The following TLN2 variants were observed in gnomAD, a reference collection of about 807,000 sequenced individuals.
TLN2 encodes talin 2.
Under a neutral mutation model 294.7 loss-of-function variants are expected in TLN2, and 118 were observed. The ratio of observed to expected loss-of-function variants is 0.40; its 90% CI spans 0.34 to 0.47. TLN2 has a LOEUF of 0.47. TLN2 is among the 20% of genes least tolerant of loss of function. The probability of loss-of-function intolerance (pLI) is 0.84; values close to 1 mark genes in which losing one functional copy is unlikely to be tolerated. For synonymous variants in TLN2, 1,431 were observed against 1,304.5 expected (o/e 1.10, Z -2.09); for missense variants, 3,083 against 3,282.2 (o/e 0.94, Z 1.48).
intron 11 of TLN2, among the ~76,000 whole-genome samples, chr15:62,679,786 A>C (rs2056632358): frequency 6.6e-6 from 1 of 152,246 alleles, no homozygotes; most frequent in Non-Finnish European, 1.5e-5. Context: ...CTGTAGAATG[A>C]CATTGATACA....
intron 1 of TLN2, among the ~76,000 whole-genome samples, chr15:62,399,427 G>A (rs574543825): frequency 6.6e-6 from 1 of 152,234 alleles, no homozygotes; most frequent in Admixed American, 6.5e-5. Context: ...GCCTAATGAA[G>A]CTCTGAGAAG....
chr15:62,653,643 C>G (rs900144266), intron 7 of TLN2, among the ~76,000 whole-genome samples: 1 of 151,934 alleles, frequency 6.6e-6, no homozygotes, highest in African/African-American at 2.4e-5. Flanking sequence ...AGGAGAATCA[C>G]TTGAACCTGG....
At chr15:62,755,860 C>T (rs975725538) in intron 37 of TLN2, among the ~76,000 whole-genome samples, 167 bp downstream of exon 37, 1 of 152,192 alleles carries the variant, frequency 6.6e-6, no homozygotes, top group African/African-American at 2.4e-5. Flanking sequence ...AATGGAGATA[C>T]TCTTCTTGAA....
At chr15:62,528,885 C>A (rs1165016802) in intron 1 of TLN2, among the ~76,000 whole-genome samples, 2 of 152,040 alleles carry the variant, frequency 1.3e-5, no homozygotes, top group South Asian at 2.1e-4. Flanking sequence ...ACTTCACACA[C>A]CTTAGGCGTT....
At chr15:62,588,362 G>C (rs114678343) in intron 1 of TLN2, among the ~76,000 whole-genome samples, 3 of 151,586 alleles carry the variant, frequency 2.0e-5, no homozygotes, top group Non-Finnish European at 4.4e-5. Flanking sequence ...AAATAAGGGC[G>C]CAGCGGCTCA....
intron 24 of TLN2, 136 bp downstream of exon 24, chr15:62,717,825 A>G: frequency 1.7e-6 from 1 of 572,782 alleles, no homozygotes; most frequent in East Asian, 3.4e-5. Context: ...CCCATGTTCC[A>G]GGTGTCTACA....
intron 1 of TLN2, among the ~76,000 whole-genome samples, chr15:62,429,514 C>T (rs1381637836): frequency 6.6e-6 from 1 of 152,128 alleles, no homozygotes; most frequent in Non-Finnish European, 1.5e-5. Context: ...AATTTTTTGG[C>T]ATGCTGGGTT....
At chr15:62,775,073 C>G (rs986855799) in intron 42 of TLN2, among the ~76,000 whole-genome samples, 6 of 151,212 alleles carry the variant, frequency 4.0e-5, no homozygotes, top group Admixed American at 6.6e-5. Flanking sequence ...TCTCCTGCCT[C>G]AGCCTCCCAA....
intron 34 of TLN2, among the ~76,000 whole-genome samples, chr15:62,751,105 A>C (rs1567525518): frequency 6.6e-6 from 1 of 152,150 alleles, no homozygotes; most frequent in African/African-American, 2.4e-5. Context: ...GCATTTGATT[A>C]GGAAAAAAAA....
intron 28 of TLN2, among the ~76,000 whole-genome samples, chr15:62,735,930 A>T (rs1567489902): frequency 6.6e-6 from 1 of 152,208 alleles, no homozygotes; most frequent in Non-Finnish European, 1.5e-5. Context: ...AGACATCACA[A>T]CTTAGCTGAA....
intron 31 of TLN2, 158 bp from the exon 32 acceptor site, chr15:62,740,472 C>G (rs1225495657): frequency 2.4e-6 from 2 of 828,690 alleles, no homozygotes; most frequent in Non-Finnish European, 3.8e-6. Context: ...AGACACTGGT[C>G]AGTGTCTCAA....
In TLN2 at chr15:62,778,210, C is replaced by G. The variant is rs575288373; in HGVS notation, c.5514+1300C>G. On this transcript the variant is annotated intron_variant, in intron 43 of 58. Transcript: ENST00000636159. ...AGCCCAGGGTGGAATGCTGCGTCTC[C>G]CTTTAGAGGCCGCAGGCTCTACTTT... Among the ~76,000 whole-genome samples, 53 of 152,274 alleles carry G rather than the reference C, an allele frequency of 3.5e-4. No individual in the cohort carries two copies. In the South Asian group the frequency reaches 6.9e-3, roughly 20 times the overall value.
At chr15:62,839,605 C>G (rs1022222475) in intron 58 of TLN2, among the ~76,000 whole-genome samples, 4 of 152,178 alleles carry the variant, frequency 2.6e-5, no homozygotes, top group African/African-American at 9.7e-5. Context: ...GGAAGTCAGG[C>G]TTAAACTTTC....
chr15:62,688,811 A>G (rs2057518712), intron 12 of TLN2, among the ~76,000 whole-genome samples: 1 of 152,156 alleles, frequency 6.6e-6, no homozygotes, highest in South Asian at 2.1e-4. Flanking sequence ...ATGTTGACAT[A>G]GCCACCAATG....
intron 45 of TLN2, among the ~76,000 whole-genome samples, chr15:62,785,847 T>C (rs1488443555): frequency 6.6e-6 from 1 of 152,182 alleles, no homozygotes; most frequent in Non-Finnish European, 1.5e-5. Flanking sequence ...CAGATTTTTT[T>C]TTTATTACGA....
chr15:62,441,222 T>C (rs1117216), intron 1 of TLN2, among the ~76,000 whole-genome samples: 81,080 of 152,060 alleles, frequency 0.53, 23,511 homozygotes, highest in East Asian at 0.77. Flanking sequence ...CTGTGCTCAT[T>C]TGTATTATTT....
intron 1 of TLN2, among the ~76,000 whole-genome samples, chr15:62,491,019 A>G (rs2038675453): frequency 6.6e-6 from 1 of 152,164 alleles, no homozygotes; most frequent in African/African-American, 2.4e-5. Context: ...CAGAAACATA[A>G]GACTTCAAAA....
At chr15:62,715,121 T>C (rs2059683780) in intron 22 of TLN2, among the ~76,000 whole-genome samples, 1 of 152,248 alleles carries the variant, frequency 6.6e-6, no homozygotes, top group Non-Finnish European at 1.5e-5. Context: ...TTTGAAAGAA[T>C]AGGAGATTCT....
At chr15:62,473,275 T>A (rs2037589263) in intron 1 of TLN2, among the ~76,000 whole-genome samples, 1 of 152,098 alleles carries the variant, frequency 6.6e-6, no homozygotes, top group Admixed American at 6.5e-5. Context: ...TTTATTGGTG[T>A]GTCTTAAAAT....
Sources: allele counts gnomAD v4.1 joint callset (sites outside exome capture counted in the v4.1 genomes callset), GRCh38; gene constraint gnomAD v4.1.1; transcripts MANE v1.5; gene names NCBI Gene and HGNC (gene_info 2026-07-23, HGNC 2026-07-21).